UBR1: variants seen among roughly 807,000 people sequenced by gnomAD.
UBR1 encodes ubiquitin protein ligase E3 component n-recognin 1.
In UBR1, 102 loss-of-function variants were observed where a neutral mutation model predicts 242.1. The ratio of observed to expected loss-of-function variants is 0.42; its 90% confidence interval spans 0.36 to 0.50. The LOEUF is 0.50. Among genes scored for constraint, UBR1 ranks in the 20% least tolerant of loss-of-function variants. The pLI is 0.01. For missense variants in UBR1, 1,772 were observed against 2,101.8 expected (o/e 0.84, Z 3.07); for synonymous variants, 675 against 684.8 (o/e 0.99, Z 0.22).
intron 1 of UBR1, among the ~76,000 whole-genome samples, chr15:43,094,293 G>A (rs974050269): frequency 6.6e-6 from 1 of 151,904 alleles, no homozygotes; most frequent in African/African-American, 2.4e-5. Context: ...TTAGCTGGGT[G>A]TGGTGGTGCA....
chr15:43,008,998 T>C (rs550653709), intron 29 of UBR1, among the ~76,000 whole-genome samples: 1 of 152,352 alleles, frequency 6.6e-6, no homozygotes, highest in South Asian at 2.1e-4. Context: ...CCTCCAGTTG[T>C]CCGTGTACCT....
chr15:42,992,232 T>C (rs2032567297), intron 33 of UBR1, among the ~76,000 whole-genome samples: 1 of 152,230 alleles, frequency 6.6e-6, no homozygotes, highest in African/African-American at 2.4e-5. Flanking sequence ...GCTTTAAAAC[T>C]CTTCGATAAG....
intron 31 of UBR1, chr15:43,003,339 T>G (rs1297659871): frequency 5.6e-6 from 1 of 179,038 alleles, no homozygotes; most frequent in Non-Finnish European, 1.2e-5. Flanking sequence ...CACTGGAACC[T>G]CTGCCTCCTG....
chr15:42,969,427 G>T (rs1021062144), intron 40 of UBR1, among the ~76,000 whole-genome samples: 3 of 152,194 alleles, frequency 2.0e-5, no homozygotes, highest in Non-Finnish European at 2.9e-5. Context: ...CCCTTTGTCA[G>T]ATGGATAGAT....
intron 27 of UBR1, among the ~76,000 whole-genome samples, chr15:43,019,409 TAAG>T (rs1374596007): frequency 6.6e-6 from 1 of 151,874 alleles, no homozygotes; most frequent in Non-Finnish European, 1.5e-5. Context: ...AATAAAATGG[TAAG>T]AAGAGCTGCC....
At chr15:43,084,011 C>G (rs1362621687) in intron 2 of UBR1, among the ~76,000 whole-genome samples, 1 of 152,066 alleles carries the variant, frequency 6.6e-6, no homozygotes, top group Non-Finnish European at 1.5e-5. Flanking sequence ...CGCCACTGTA[C>G]TCTAGCCTAG....
intron 42 of UBR1, 122 bp from the exon 43 acceptor site, chr15:42,960,823 C>T (rs1182352855): frequency 1.8e-4 from 179 of 992,524 alleles, no homozygotes; most frequent in Middle Eastern, 2.9e-4. Flanking sequence ...GGCTGGAGTA[C>T]AGTGGCAGCA....
At chr15:43,004,215 T>C (rs1458913511) in intron 30 of UBR1, among the ~76,000 whole-genome samples, 1 of 152,254 alleles carries the variant, frequency 6.6e-6, no homozygotes, top group Non-Finnish European at 1.5e-5. Context: ...TTAAGTGATC[T>C]TCTATGTTTC....
At chr15:43,086,270 G>A (rs748177184) in intron 1 of UBR1, 30 bp from the exon 2 acceptor site, 1 of 1,611,848 alleles carries the variant, frequency 6.2e-7, no homozygotes, top group South Asian at 1.1e-5. Context: ...AAATTAGACT[G>A]ACTTACAAGT....
At chr15:43,080,560 G>A (rs2033963874) in intron 3 of UBR1, among the ~76,000 whole-genome samples, 1 of 152,128 alleles carries the variant, frequency 6.6e-6, no homozygotes, top group Admixed American at 6.5e-5. Context: ...ATAGTACTAA[G>A]CAATATTCCA....
At chr15:43,056,234 C>T in intron 11 of UBR1, 110 bp downstream of exon 11, 1 of 899,430 alleles carries the variant, frequency 1.1e-6, no homozygotes, top group Admixed American at 1.8e-5. Context: ...TCACATAGCC[C>T]AACTTAGTGA....
chr15:43,042,012 G>C (rs1025475003), intron 15 of UBR1, among the ~76,000 whole-genome samples: 6 of 151,990 alleles, frequency 3.9e-5, no homozygotes, highest in Non-Finnish European at 8.8e-5. Context: ...TTATTATCTG[G>C]GGGGGAAAAA....
At chr15:43,016,463 G>A (rs1270743200) in intron 28 of UBR1, among the ~76,000 whole-genome samples, 1 of 152,090 alleles carries the variant, frequency 6.6e-6, no homozygotes, top group Admixed American at 6.5e-5. Flanking sequence ...TTGAATCTAA[G>A]ATATACCATT....
chr15:43,066,135 A>T (rs913103468), intron 6 of UBR1, among the ~76,000 whole-genome samples: 10 of 152,180 alleles, frequency 6.6e-5, no homozygotes, highest in African/African-American at 1.9e-4. Context: ...TCTTGAGTTA[A>T]TTTTTGTATA....
chr15:43,017,240 C>G, intron 27 of UBR1, 59 bp from the exon 28 acceptor site: 1 of 1,151,834 alleles, frequency 8.7e-7, no homozygotes, highest in Non-Finnish European at 1.3e-6. Context: ...CGACCAGGAA[C>G]AGAAACATTC....
chr15:43,036,342 T>G (rs2033334921), intron 18 of UBR1, 63 bp from the exon 19 acceptor site: 1 of 1,474,378 alleles, frequency 6.8e-7, no homozygotes, highest in African/African-American at 1.4e-5. Context: ...TTGTCTCATG[T>G]AGGACTGTCA....
chr15:43,051,549 T>C (rs1354246328), intron 12 of UBR1, among the ~76,000 whole-genome samples: 1 of 152,086 alleles, frequency 6.6e-6, no homozygotes, highest in Non-Finnish European at 1.5e-5. Context: ...GTAACAAGCC[T>C]GCACATGTAC....
intron 1 of UBR1, among the ~76,000 whole-genome samples, chr15:43,103,351 G>A (rs182531891): frequency 2.0e-4 from 30 of 152,116 alleles, no homozygotes; most frequent in African/African-American, 6.7e-4. Context: ...GTGACAAAGC[G>A]AAACCCTGTC....
chr15:43,092,795 G>A (rs1049771282), intron 1 of UBR1, among the ~76,000 whole-genome samples: 2 of 152,048 alleles, frequency 1.3e-5, no homozygotes, highest in Non-Finnish European at 2.9e-5. Flanking sequence ...CTTGTGATCC[G>A]CCTGCCTTGG....
Sources: allele counts gnomAD v4.1 joint callset (sites outside exome capture counted in the v4.1 genomes callset), GRCh38; gene constraint gnomAD v4.1.1; transcripts MANE v1.5; gene names NCBI Gene and HGNC (gene_info 2026-07-23, HGNC 2026-07-21).